Variants in OFD1 observed in about 807,000 individuals in gnomAD.
OFD1 encodes OFD1 centriole and centriolar satellite protein.
Under a neutral mutation model 81.4 loss-of-function variants are expected in OFD1, and 12 were observed. The ratio of observed to expected loss-of-function variants is 0.15; its 90% CI spans 0.09 to 0.24. The LOEUF (loss-of-function observed/expected upper bound fraction) is 0.24. Ranked by LOEUF, OFD1 falls within the 10% of genes least tolerant of loss-of-function variation. The pLI, the probability that OFD1 is intolerant of heterozygous loss-of-function variation, is 1.00. For synonymous variants in OFD1, 256 were observed against 263.7 expected (o/e 0.97, Z 0.28); for missense variants, 685 against 733.9 (o/e 0.93, Z 0.77).
chrX:13,751,381 C>T lies in OFD1; in HGVS notation c.1055+13C>T. ...ATGAACTTCTAAAGTAATTGTTTAG[C>T]ATTTTTAAATAACTAATATGTTTAA... On this transcript the variant is annotated intron_variant, in intron 10 of 22. Transcript: ENST00000340096. 8.5e-7 allele frequency: 1 copy of T among 1,170,131 alleles called. No individual in the cohort carries two copies.
chrX:13,767,426 T>C, intron 20 of OFD1, 142 bp downstream of exon 20: 1 of 586,038 alleles, frequency 1.7e-6, no homozygotes, highest in Non-Finnish European at 2.9e-6. Context: ...TGTCCTCTCC[T>C]TGTCTTAAAA....
intron 13 of OFD1, 29 bp from the exon 14 acceptor site, chrX:13,757,631 G>A: frequency 5.4e-6 from 6 of 1,116,544 alleles, no homozygotes; most frequent in Non-Finnish European, 6.0e-6. Flanking sequence ...GTAATGACTA[G>A]GATTTTTTTT....
intron 17 of OFD1, among the ~76,000 whole-genome samples, chrX:13,761,790 A>G (rs902496163): frequency 9.1e-6 from 1 of 109,823 alleles, no homozygotes; most frequent in African/African-American, 3.3e-5. Context: ...GCAGACTCCT[A>G]CCCATACCTG....
At position 13,760,488 on chromosome X, in the gene OFD1, G is replaced by A. The variant is rs775904671; in HGVS notation, c.2028G>A (p.Leu676=). 2 of 1,168,770 alleles carry A rather than the reference G, an allele frequency of 1.7e-6. No homozygotes were observed. Among genetic ancestry groups the A allele is most frequent in the Non-Finnish European group, 2.3e-6 (2 of 876,839 alleles). Residue 676 remains leucine (L), a synonymous_variant, in exon 16 of 23, where the codon CTG becomes CTA. Coordinates refer to ENST00000340096, the MANE Select transcript of OFD1 (RefSeq NM_003611.3). The part of the protein sequence containing the change: ...AAKSPPSLHL[L]EAFKNITSSS... Reference sequence around the variant, plus strand: ...AGAGCCCACCATCTCTGCACTTGCTGGAAGCCTTCAAAAACATTACTTCCA... The same window carrying A: ...AGAGCCCACCATCTCTGCACTTGCTAGAAGCCTTCAAAAACATTACTTCCA...
At chrX:13,757,914 A>C in intron 14 of OFD1, 124 bp downstream of exon 14, 1 of 780,944 alleles carries the variant, frequency 1.3e-6, no homozygotes, top group Non-Finnish European at 1.9e-6. Context: ...TCCCCCAAAT[A>C]TGCTAAAGGT....
intron 11 of OFD1, among the ~76,000 whole-genome samples, chrX:13,754,072 C>T (rs772614371): frequency 9.1e-6 from 1 of 110,007 alleles, no homozygotes; most frequent in Admixed American, 9.6e-5. Context: ...AGCTCCACCT[C>T]CCAGGTTCAC....
chrX:13,723,456 C>T, the OFD1 span, among the ~76,000 whole-genome samples: 3 of 111,917 alleles, frequency 2.7e-5, no homozygotes, highest in Admixed American at 9.5e-5. Flanking sequence ...GCATGAGCCA[C>T]CATGCCCGGC....
intron 3 of OFD1, among the ~76,000 whole-genome samples, chrX:13,738,425 T>C (rs1175991255): frequency 8.9e-6 from 1 of 112,667 alleles, no homozygotes; most frequent in Non-Finnish European, 1.9e-5. Context: ...TTAAACAATA[T>C]TTTAAGTACA....
At chrX:13,764,793 G>A (rs1010046372) in intron 19 of OFD1, among the ~76,000 whole-genome samples, 1 of 112,082 alleles carries the variant, frequency 8.9e-6, no homozygotes, top group Non-Finnish European at 1.9e-5. Flanking sequence ...AAAGCATTCA[G>A]TGAGACATGA....
intron 10 of OFD1, among the ~76,000 whole-genome samples, 198 bp downstream of exon 10, chrX:13,751,566 G>A (rs2047503312): frequency 8.9e-6 from 1 of 111,781 alleles, no homozygotes; most frequent in Non-Finnish European, 1.9e-5. Flanking sequence ...GGGTGTGGTG[G>A]CTCATGCCTA....
At chrX:13,717,049 A>AAAAAAC in the OFD1 span, among the ~76,000 whole-genome samples, 2 of 104,361 alleles carry the variant, frequency 1.9e-5, no homozygotes, top group East Asian at 5.9e-4. Context: ...AAAAAAAAAA[A>AAAAAAC]AAAAAAAAAA....
At chrX:13,721,843 C>T in the OFD1 span, 1 of 110,288 alleles carries the variant, frequency 9.1e-6, no homozygotes, top group African/African-American at 3.3e-5. Flanking sequence ...ATTTTGCGAC[C>T]ATCTAAGGCT....
chrX:13,746,979 T>G (rs1457047759), intron 8 of OFD1, 26 bp downstream of exon 8: 4 of 1,184,194 alleles, frequency 3.4e-6, no homozygotes, highest in Admixed American at 2.2e-5. Flanking sequence ...ATTTTATGGG[T>G]GGCTATTTCC....
chrX:13,731,076 A>G (rs976472870), upstream of OFD1, among the ~76,000 whole-genome samples: 2 of 112,151 alleles, frequency 1.8e-5, no homozygotes, highest in African/African-American at 6.5e-5. Context: ...ACTAAAGAAA[A>G]AAGAAAACAT....
intron 10 of OFD1, chrX:13,752,648 T>A: frequency 2.1e-6 from 2 of 930,437 alleles, no homozygotes; most frequent in Non-Finnish European, 2.8e-6. Flanking sequence ...TTAAAGTATG[T>A]GTGTTAATTT....
the OFD1 span, chrX:13,716,785 C>G: frequency 1.9e-4 from 162 of 857,278 alleles, no homozygotes; most frequent in South Asian, 3.7e-3. Flanking sequence ...GGGGAAAAAA[C>G]AGTTTGCTTT....
the OFD1 span, chrX:13,716,144 T>C: frequency 5.5e-6 from 6 of 1,100,670 alleles, no homozygotes; most frequent in Non-Finnish European, 7.3e-6. Flanking sequence ...AAGCAACCAG[T>C]TCGTTGATAC....
chrX:13,724,074 T>A, the OFD1 span, among the ~76,000 whole-genome samples: 9 of 111,642 alleles, frequency 8.1e-5, no homozygotes, highest in African/African-American at 2.9e-4. Context: ...AGCCAAGGAA[T>A]GCAGGAGGCC....
intron 17 of OFD1, 144 bp from the exon 18 acceptor site, chrX:13,762,200 T>TGGTGGTGA (rs1293562589): frequency 1.0e-5 from 5 of 484,404 alleles, no homozygotes; most frequent in Non-Finnish European, 1.9e-5. Context: ...TGCCTAGTGG[T>TGGTGGTGA]GGTGGTGAGG....
Sources: gnomAD v4.1 joint callset for allele counts (sites outside exome capture counted in the v4.1 genomes callset) on GRCh38, gnomAD v4.1.1 for gene constraint, MANE v1.5 for transcripts, NCBI Gene and HGNC (gene_info 2026-07-23, HGNC 2026-07-21) for gene names.